The following PCCA variants were observed in gnomAD, a reference collection of about 807,000 sequenced individuals.
The protein encoded by PCCA is propionyl-CoA carboxylase subunit alpha, also known as propionyl-CoA carboxylase alpha chain, mitochondrial.
PCCA carries 74 observed loss-of-function variants against 101.3 expected under a neutral mutation model. The ratio of observed to expected loss-of-function variants is 0.73; its 90% CI spans 0.61 to 0.89. The LOEUF (loss-of-function observed/expected upper bound fraction) is 0.89. Among genes scored for constraint, PCCA ranks in the 40% least tolerant of loss-of-function variants. The pLI is 0.00. For missense variants in PCCA, 891 were observed against 907.0 expected, an observed-to-expected ratio of 0.98 and a Z score of 0.23; for synonymous variants, 294 against 313.6, an observed-to-expected ratio of 0.94 and a Z score of 0.66.
intron 6 of PCCA, among the ~76,000 whole-genome samples, chr13:100,189,282 C>G (rs562739853): frequency 6.6e-6 from 1 of 152,324 alleles, no homozygotes; most frequent in East Asian, 1.9e-4. Flanking sequence ...TTAATCCATT[C>G]TATCATTGAT....
At chr13:100,112,679 C>T (rs1014362042) in intron 4 of PCCA, among the ~76,000 whole-genome samples, 17 of 147,700 alleles carry the variant, frequency 1.2e-4, no homozygotes, top group Admixed American at 9.0e-4. Context: ...TGGGTTCAAG[C>T]GATTCTCCCG....
chr13:100,433,240 G>T (rs981600197), intron 20 of PCCA, among the ~76,000 whole-genome samples: 1 of 152,186 alleles, frequency 6.6e-6, no homozygotes, highest in African/African-American at 2.4e-5. Flanking sequence ...ATTCCCATTA[G>T]CAGTGCACAA....
chr13:100,191,756 A>G (rs553786684), intron 6 of PCCA, among the ~76,000 whole-genome samples: 5 of 152,356 alleles, frequency 3.3e-5, no homozygotes, highest in African/African-American at 1.2e-4. Flanking sequence ...GGGTGATAAC[A>G]TACACCCAAG....
chr13:100,135,951 G>A (rs909345151), intron 4 of PCCA, among the ~76,000 whole-genome samples: 6 of 151,950 alleles, frequency 3.9e-5, no homozygotes, highest in Admixed American at 6.6e-5. Flanking sequence ...TACGCTGAGC[G>A]ATTGATTTTT....
At chr13:100,213,408 C>T (rs1000818765) in intron 7 of PCCA, among the ~76,000 whole-genome samples, 2 of 152,178 alleles carry the variant, frequency 1.3e-5, no homozygotes, top group Non-Finnish European at 2.9e-5. Flanking sequence ...TTGTTATTGC[C>T]TGTCTTTTGG....
intron 19 of PCCA, among the ~76,000 whole-genome samples, chr13:100,397,434 C>G (rs1169656756): frequency 6.6e-6 from 1 of 152,070 alleles, no homozygotes; most frequent in Non-Finnish European, 1.5e-5. Flanking sequence ...CAGTCATGTT[C>G]CTTTCTTTGC....
At chr13:100,279,678 G>T (rs1253236764) in intron 12 of PCCA, among the ~76,000 whole-genome samples, 1 of 152,090 alleles carries the variant, frequency 6.6e-6, no homozygotes, top group Admixed American at 6.5e-5. Context: ...GTTTTACCAT[G>T]TTGGCCAGGA....
At chr13:100,118,843 C>A (rs1242324818) in intron 4 of PCCA, among the ~76,000 whole-genome samples, 1 of 152,078 alleles carries the variant, frequency 6.6e-6, no homozygotes, top group Non-Finnish European at 1.5e-5. Context: ...GCCACCGTAC[C>A]CCAGCCAGTA....
At position 100,447,874 on chromosome 13, in the gene PCCA, G is replaced by T. The variant is rs555936527; in HGVS notation, c.1846-1378G>T. On this transcript the variant is annotated intron_variant, in intron 20 of 23. Coordinates refer to ENST00000376285, the MANE Select transcript of PCCA (RefSeq NM_000282.4). Reference sequence around the variant, plus strand: ...TCTAACCTCCCTCCGTCAAGGAACCGAGGACTCAGCTTGATTTCTAGAGGT... The same window carrying T: ...TCTAACCTCCCTCCGTCAAGGAACCTAGGACTCAGCTTGATTTCTAGAGGT... Among the ~76,000 whole-genome samples the T allele has an allele frequency of 4.4e-4, 67 of 152,290 alleles. 2 individuals carry two copies. In the South Asian group the frequency reaches 0.013, roughly 29 times the overall value.
At chr13:100,353,126 A>G (rs1410592546) in intron 18 of PCCA, among the ~76,000 whole-genome samples, 1 of 152,226 alleles carries the variant, frequency 6.6e-6, no homozygotes, top group Non-Finnish European at 1.5e-5. Flanking sequence ...ACCTAATAAC[A>G]CAATTCCCAA....
chr13:100,101,351 AGT>A (rs1444133685), intron 1 of PCCA, among the ~76,000 whole-genome samples: 6 of 152,182 alleles, frequency 3.9e-5, no homozygotes, highest in Non-Finnish European at 8.8e-5. Context: ...ACCTTTGAAA[AGT>A]TAAAGTCCTT....
rs2052392389 is a variant in PCCA, at chr13:100,145,286, A to G, written c.301-9693A>G. Among the ~76,000 whole-genome samples the G allele has an allele frequency of 2.0e-5, 3 of 152,188 alleles. No individual in the cohort carries two copies. In the South Asian group the frequency reaches 6.2e-4, roughly 32 times the overall value. On this transcript the variant is annotated intron_variant, in intron 4 of 23. Coordinates refer to ENST00000376285, the MANE Select transcript of PCCA (RefSeq NM_000282.4). ...ACATTATGGGTTAGAGGACTCTGTC[A>G]TGGGCGACTGTCCTGCACACTAGAG... is the stretch of plus-strand genomic sequence containing the variant.
intron 22 of PCCA, among the ~76,000 whole-genome samples, chr13:100,524,901 G>T (rs1352492896): frequency 3.3e-5 from 5 of 151,848 alleles, no homozygotes; most frequent in Non-Finnish European, 7.4e-5. Context: ...AGATAGATTA[G>T]ATTAGATTAC....
Position 100,340,218 on chromosome 13 carries a change from G to T in PCCA, c.1602G>T (p.Val534=). 6.2e-7 allele frequency: 1 copy of T among 1,610,654 alleles called. No homozygotes were observed. The highest frequency in any genetic ancestry group is 8.5e-7 in the Non-Finnish European group (1 of 1,176,930). The change falls in exon 18 of 24, where the codon GTG becomes GTT. Residue 534 remains valine (V), a synonymous_variant. Transcript: ENST00000376285. ...QLLAIASSLF[V]AFQLRAQHFQ... is the part of the protein sequence containing the mutation. ...TGGCAATAGCATCATCATTGTTTGT[G>T]GCATTCCAGTTAAGAGCACAACATT...
intron 16 of PCCA, among the ~76,000 whole-genome samples, chr13:100,313,587 C>T (rs1273778373): frequency 1.3e-5 from 2 of 152,190 alleles, no homozygotes; most frequent in Admixed American, 6.5e-5. Flanking sequence ...GGCTGCATGA[C>T]TCCTGAGCCT....
intron 21 of PCCA, among the ~76,000 whole-genome samples, chr13:100,472,380 G>A (rs2083089431): frequency 6.6e-6 from 1 of 152,094 alleles, no homozygotes; most frequent in African/African-American, 2.4e-5. Flanking sequence ...TCTGGCCCTC[G>A]GTGGTCCTGC....
chr13:100,195,408 A>C (rs1392011929), intron 6 of PCCA, among the ~76,000 whole-genome samples: 1 of 152,190 alleles, frequency 6.6e-6, no homozygotes, highest in African/African-American at 2.4e-5. Flanking sequence ...CACCTAAGGA[A>C]ATTTAGTGTT....
intron 17 of PCCA, among the ~76,000 whole-genome samples, chr13:100,336,228 C>T (rs539858000): frequency 1.4e-4 from 21 of 152,294 alleles, no homozygotes; most frequent in African/African-American, 5.1e-4. Context: ...TGCCACTGCC[C>T]TCCAGCCTGG....
chr13:100,298,282 G>T (rs902758178), intron 12 of PCCA, among the ~76,000 whole-genome samples: 2 of 152,136 alleles, frequency 1.3e-5, no homozygotes, highest in Non-Finnish European at 2.9e-5. Context: ...TTTGCAAAAG[G>T]AGGAGGAAGT....
Sources: allele counts gnomAD v4.1 joint callset (sites outside exome capture counted in the v4.1 genomes callset), GRCh38; gene constraint gnomAD v4.1.1; transcripts MANE v1.5; gene names NCBI Gene and HGNC (gene_info 2026-07-23, HGNC 2026-07-21).